The following BBOX1 variants were observed in gnomAD, a reference collection of about 807,000 sequenced individuals.
BBOX1 encodes gamma-butyrobetaine dioxygenase.
Under a neutral mutation model 41.6 loss-of-function variants are expected in BBOX1, and 35 were observed. That is an observed-to-expected ratio of 0.84 (90% CI 0.64 to 1.11). The LOEUF is 1.11. Among genes scored for constraint, BBOX1 ranks in the 50% most tolerant of loss-of-function variants. BBOX1 has a pLI of 0.00. For missense variants in BBOX1, 458 were observed against 460.6 expected (o/e 0.99, Z 0.05); for synonymous variants, 163 against 154.7 (o/e 1.05, Z -0.40).
chr11:27,108,300 T>A (rs1399269900), intron 5 of BBOX1, among the ~76,000 whole-genome samples: 1 of 152,008 alleles, frequency 6.6e-6, no homozygotes, highest in Non-Finnish European at 1.5e-5. Flanking sequence ...TTACCCTTGA[T>A]CATAGAAAGA....
intron 3 of BBOX1, among the ~76,000 whole-genome samples, chr11:27,056,445 A>G (rs1397620263): frequency 6.6e-6 from 1 of 151,920 alleles, no homozygotes; most frequent in Admixed American, 6.6e-5. Flanking sequence ...TTTAGTAAAG[A>G]CGGGGTTTCA....
At chr11:27,089,510 G>A (rs745446704) in intron 4 of BBOX1, among the ~76,000 whole-genome samples, 13 of 151,958 alleles carry the variant, frequency 8.6e-5, no homozygotes, top group East Asian at 1.9e-4. Flanking sequence ...CCATACAACA[G>A]TCTACATAGG....
chr11:27,059,122 C>T (rs563378791), intron 4 of BBOX1, among the ~76,000 whole-genome samples: 59 of 152,270 alleles, frequency 3.9e-4, no homozygotes, highest in South Asian at 1.0e-3. Flanking sequence ...GCTCCACTGC[C>T]CTGTGTGTAG....
At chr11:27,123,009 A>C (rs539122053) in intron 7 of BBOX1, among the ~76,000 whole-genome samples, 1 of 152,222 alleles carries the variant, frequency 6.6e-6, no homozygotes, top group East Asian at 1.9e-4. Context: ...GCTAACCTTC[A>C]ATTTTTCATT....
intron 2 of BBOX1, among the ~76,000 whole-genome samples, chr11:27,048,749 C>CTTTTTTTGTTTTTTTT: frequency 7.5e-6 from 1 of 133,002 alleles, no homozygotes; most frequent in Non-Finnish European, 1.6e-5. Flanking sequence ...AATGGTAGTT[C>CTTTTTTTGTTTTTTTT]TTTTTTTTTT....
Position 27,057,322 on chromosome 11 carries a change from T to C in BBOX1, c.334+7T>C. 6.3e-7 allele frequency: 1 copy of C among 1,597,072 alleles called. No individual in the cohort carries two copies. Among genetic ancestry groups the C allele is most frequent in the Non-Finnish European group, 8.6e-7 (1 of 1,167,478 alleles). On this transcript the variant is annotated splice_region_variant and intron_variant, in intron 4 of 8. Coordinates refer to ENST00000263182, the MANE Select transcript of BBOX1 (RefSeq NM_003986.3). ...AGAGAATTGTTTTTTCCAGGTAACT[T>C]TGCCAAAGTCTTCAATGTCTTTTTA...
intron 4 of BBOX1, among the ~76,000 whole-genome samples, chr11:27,060,973 T>C (rs949878951): frequency 2.6e-5 from 4 of 152,200 alleles, no homozygotes; most frequent in Non-Finnish European, 4.4e-5. Context: ...TTAGTACCGA[T>C]TGTCTGGGTC....
chr11:27,087,952 GTATTGACAGC>G (rs1216034368), intron 4 of BBOX1, among the ~76,000 whole-genome samples: 1 of 152,006 alleles, frequency 6.6e-6, no homozygotes, highest in African/African-American at 2.4e-5. Context: ...GCTGCCTATT[GTATTGACAGC>G]TGTGCATTAT....
At chr11:27,082,083 TCACTATTGTGAGGACAG>T (rs1284938004) in intron 4 of BBOX1, among the ~76,000 whole-genome samples, 2 of 152,152 alleles carry the variant, frequency 1.3e-5, no homozygotes, top group Non-Finnish European at 2.9e-5. Flanking sequence ...GAGAACTCAC[TCACTATTGTGAGGACAG>T]CACCAAGTGG....
Position 27,083,355 on chromosome 11 carries a change from A to C in BBOX1, c.335-9813A>C, listed in dbSNP as rs1182215346. On this transcript the variant is annotated intron_variant, in intron 4 of 8. Coordinates refer to ENST00000263182, the MANE Select transcript of BBOX1 (RefSeq NM_003986.3). ...TCCTCATAGGTCATGAAGAACTTAC[A>C]ATCTAGCGGAAGAGACAGAGCCTTG... is the stretch of plus-strand genomic sequence containing the variant. Among the ~76,000 whole-genome samples the C allele has an allele frequency of 3.3e-5, 5 of 152,152 alleles. No individual in the cohort carries two copies. In the East Asian group the frequency reaches 9.7e-4, roughly 29 times the overall value.
chr11:27,121,960 T>C (rs1859480597), intron 7 of BBOX1, among the ~76,000 whole-genome samples: 2 of 152,136 alleles, frequency 1.3e-5, no homozygotes, highest in Non-Finnish European at 2.9e-5. Context: ...TGGCCATGTG[T>C]GAGGTCTCAG....
chr11:27,103,433 T>C (rs751146863), intron 5 of BBOX1, among the ~76,000 whole-genome samples: 5 of 152,146 alleles, frequency 3.3e-5, no homozygotes, highest in African/African-American at 4.8e-5. Context: ...GTTAAGTATA[T>C]CTTAAGTCTT....
intron 4 of BBOX1, among the ~76,000 whole-genome samples, chr11:27,066,965 C>T (rs1857306880): frequency 6.6e-6 from 1 of 151,794 alleles, no homozygotes; most frequent in Admixed American, 6.6e-5. Context: ...GGTTTTTGGC[C>T]CTAGGCCTTG....
At position 27,055,459 on chromosome 11, in the gene BBOX1, C is replaced by A; in HGVS notation, c.29C>A (p.Ala10Glu). The change falls in exon 3 of 9, where the codon GCA (alanine) becomes GAA (glutamate). Residue 10 changes from alanine (A) to glutamate (E), a missense_variant. By Grantham distance (107) the Ala-to-Glu change is moderately radical. Coordinates refer to ENST00000263182, the MANE Select transcript of BBOX1 (RefSeq NM_003986.3). ...GCTTGTACCATCCAAAAGGCAGAAG[C>A]ACTTGACGGGGCTCATTTGATGCAG... Reference protein sequence around the residue: MACTIQKAEALDGAHLMQIL... With the variant: MACTIQKAEELDGAHLMQIL... 6.2e-7 allele frequency: 1 copy of A among 1,613,940 alleles called. No individual in the cohort carries two copies. Among genetic ancestry groups the A allele is most frequent in the Non-Finnish European group, 8.5e-7 (1 of 1,180,036 alleles).
chr11:27,095,962 A>T (rs532524509), intron 5 of BBOX1, among the ~76,000 whole-genome samples: 164 of 152,046 alleles, frequency 1.1e-3, no homozygotes, highest in African/African-American at 3.9e-3. Context: ...AAATACTGAC[A>T]TCTGCATCCC....
chr11:27,069,587 G>A (rs1395346174), intron 4 of BBOX1, among the ~76,000 whole-genome samples: 1 of 152,000 alleles, frequency 6.6e-6, no homozygotes, highest in Non-Finnish European at 1.5e-5. Context: ...AATTACCCAA[G>A]CTATGACTTG....
chr11:27,041,113 G>A (rs953297052), intron 1 of BBOX1, 85 bp downstream of exon 1: 1 of 151,768 alleles, frequency 6.6e-6, no homozygotes, highest in Middle Eastern at 3.2e-3. Context: ...GTGGTTTTGG[G>A]AACCAACAGT....
intron 2 of BBOX1, among the ~76,000 whole-genome samples, chr11:27,048,994 G>A (rs938055416): frequency 1.1e-4 from 16 of 147,218 alleles, no homozygotes; most frequent in Non-Finnish European, 1.8e-4. Flanking sequence ...GAGAATATGC[G>A]GTGTTTGGTT....
At chr11:27,052,191 GA>G (rs1345043757) in intron 2 of BBOX1, among the ~76,000 whole-genome samples, 2 of 152,020 alleles carry the variant, frequency 1.3e-5, no homozygotes. Flanking sequence ...ATTGCAAAGA[GA>G]ATAATAAAAC....
Sources: gnomAD v4.1 joint callset for allele counts (sites outside exome capture counted in the v4.1 genomes callset) on GRCh38, gnomAD v4.1.1 for gene constraint, MANE v1.5 for transcripts, NCBI Gene and HGNC (gene_info 2026-07-23, HGNC 2026-07-21) for gene names.